KLHL29: variants seen among roughly 807,000 people sequenced by gnomAD.
KLHL29 encodes kelch like family member 29, also known as kelch-like protein 29.
KLHL29 carries 21 observed loss-of-function variants against 80.4 expected under a neutral mutation model. That is an observed-to-expected ratio of 0.26 (90% CI 0.19 to 0.38). The LOEUF is 0.38. Among genes scored for constraint, KLHL29 ranks in the 10% least tolerant of loss-of-function variants. KLHL29 has a pLI of 1.00. For missense variants in KLHL29, 867 were observed against 1,223.9 expected (o/e 0.71, Z 4.35); for synonymous variants, 511 against 526.8 (o/e 0.97, Z 0.41).
rs1558454587 is a variant in KLHL29 at position 23,706,704 on chromosome 2, G to A, written c.*40G>A. 1 of 1,406,066 alleles carries A rather than the reference G, an allele frequency of 7.1e-7. No homozygotes were observed. Among genetic ancestry groups the A allele is most frequent in the South Asian group, 1.5e-5 (1 of 66,870 alleles). 87.1% of individuals were successfully genotyped at this position (1,406,066 alleles called of 1,614,324 possible). ...CCACGATAAGACTGTGGACAAGTCT[G>A]GTGAGGCAAGTGCCACGCAATGATA... On this transcript the variant is annotated 3_prime_UTR_variant, in exon 14 of 14. Transcript: ENST00000486442.
In KLHL29 at chr2:23,608,456, C is replaced by T. The variant is rs953149825; in HGVS notation, c.286-30683C>T. On this transcript the variant is annotated intron_variant, in intron 3 of 13. Transcript: ENST00000486442. ...AGGTAGGGCCCAGTCTTTTTTTTTT[C>T]CTCTGTCTTATCTTCTATGCCTGGA... Among the ~76,000 whole-genome samples, 14 of 131,076 alleles carry T rather than the reference C, an allele frequency of 1.1e-4. No individual in the cohort carries two copies. The East Asian group carries it at 2.6e-3, about 24-fold the overall frequency. 86.0% of individuals were successfully genotyped at this position (131,076 alleles called of 152,430 possible). A position where few individuals can be genotyped will look rare whatever the true frequency, so the allele number is the denominator to read the frequency against.
At chr2:23,532,776 A>G (rs556252970) in intron 2 of KLHL29, among the ~76,000 whole-genome samples, 2 of 152,296 alleles carry the variant, frequency 1.3e-5, no homozygotes, top group South Asian at 2.1e-4. Context: ...GGATCAGGGC[A>G]GGGAGACTGT....
At chr2:23,671,922 C>T (rs1670776411) in intron 5 of KLHL29, 1 of 152,398 alleles carries the variant, frequency 6.6e-6, no homozygotes, top group South Asian at 2.1e-4. Flanking sequence ...CCCCAATTCC[C>T]AGCCTCATTC....
rs151033650 is a variant in KLHL29 at position 23,397,553 on chromosome 2, A to G, written c.-154+11773A>G. Among the ~76,000 whole-genome samples the G allele has an allele frequency of 1.1e-3, 170 of 152,274 alleles. 1 individual carries two copies. The East Asian group carries it at 0.013, about 12-fold the overall frequency. ...ACATTTTTTGATAGCTCAAATAGACACCTGGGCCAAGTATAGTCTCCTTGG... is the reference window on the plus strand; with the variant it reads ...ACATTTTTTGATAGCTCAAATAGACGCCTGGGCCAAGTATAGTCTCCTTGG... On this transcript the variant is annotated intron_variant, in intron 1 of 13. Transcript: ENST00000486442.
Position 23,562,356 on chromosome 2 carries a change from C to T in KLHL29, c.160C>T (p.Leu54=). 6.5e-7 allele frequency: 1 copy of T among 1,542,858 alleles called. No individual in the cohort carries two copies. The highest frequency in any genetic ancestry group is 8.7e-7 in the Non-Finnish European group (1 of 1,145,296). Residue 54 remains leucine (L), a synonymous_variant, in exon 3 of 14, where the codon CTG becomes TTG. Coordinates refer to ENST00000486442, the MANE Select transcript of KLHL29 (RefSeq NM_052920.2). This position sits in a 1 kb window ranked among gnomAD's most constrained non-coding sequence, Gnocchi z 4.5. ...CAGCCTCAGCGTCCGGCCCGGCCTC[C>T]TGCCGCTGCCCGTGGTGCCCTCCCG... is the stretch of plus-strand genomic sequence containing the variant. ...ASSLSVRPGL[L]PLPVVPSRLP...
intron 2 of KLHL29, among the ~76,000 whole-genome samples, chr2:23,514,370 G>C (rs538291482): frequency 6.6e-6 from 1 of 152,312 alleles, no homozygotes; most frequent in South Asian, 2.1e-4. Flanking sequence ...CCAGATCAGA[G>C]AGCCCTTAAG....
At position 23,642,769 on chromosome 2, in the gene KLHL29, A is replaced by G; in HGVS notation, c.859A>G (p.Thr287Ala). Residue 287 changes from threonine (T) to alanine (A), a missense_variant, in exon 5 of 14, where the codon ACC becomes GCC. Physicochemically the swap from Thr to Ala is moderately conservative, Grantham distance 58 (BLOSUM62 0). Transcript: ENST00000486442. ...GAPATNGPPT[T>A]DSAHGLQMLR... ...CCCTGCCACCAATGGGCCCCCCACA[A>G]CCGACTCGGCCCACGGGCTGCAGAT... is the stretch of plus-strand genomic sequence containing the variant. The G allele has an allele frequency of 6.5e-7, 1 of 1,549,554 alleles. No homozygotes were observed. The highest frequency in any genetic ancestry group is 8.7e-7 in the Non-Finnish European group (1 of 1,146,534).
chr2:23,652,365 C>T (rs1302269922), intron 5 of KLHL29, among the ~76,000 whole-genome samples: 3 of 152,360 alleles, frequency 2.0e-5, no homozygotes, highest in African/African-American at 4.8e-5. Context: ...ACAGTTTGTC[C>T]TGTTAAATGG....
At chr2:23,638,983 G>A (rs1376363720) in intron 3 of KLHL29, among the ~76,000 whole-genome samples, 156 bp from the exon 4 acceptor site, 2 of 152,182 alleles carry the variant, frequency 1.3e-5, no homozygotes, top group South Asian at 4.1e-4. Flanking sequence ...CAAAGACTGG[G>A]TGGAGGGCTG....
intron 2 of KLHL29, among the ~76,000 whole-genome samples, chr2:23,536,361 G>A (rs192308041): frequency 9.2e-4 from 140 of 152,306 alleles, no homozygotes; most frequent in Middle Eastern, 3.4e-3. Flanking sequence ...CTGTGTGGAC[G>A]GCAGCTTGGC....
intron 1 of KLHL29, among the ~76,000 whole-genome samples, chr2:23,463,295 A>G (rs1361420414): frequency 6.6e-6 from 1 of 151,588 alleles, no homozygotes; most frequent in African/African-American, 2.4e-5. Context: ...GATTCTTGTT[A>G]AAGTGACCTT....
chr2:23,467,232 C>T (rs1030517700), intron 1 of KLHL29, among the ~76,000 whole-genome samples: 6 of 152,170 alleles, frequency 3.9e-5, no homozygotes, highest in East Asian at 1.9e-4. Flanking sequence ...TAAGCCATCC[C>T]GCGTGTTTCT....
At chr2:23,625,812 G>A (rs1669294848) in intron 3 of KLHL29, among the ~76,000 whole-genome samples, 1 of 152,172 alleles carries the variant, frequency 6.6e-6, no homozygotes, top group South Asian at 2.1e-4. Context: ...GTTTTGATGA[G>A]ATTGTGAGGG....
At chr2:23,420,892 C>T (rs374460410) in intron 1 of KLHL29, among the ~76,000 whole-genome samples, 2 of 152,286 alleles carry the variant, frequency 1.3e-5, no homozygotes, top group African/African-American at 2.4e-5. Context: ...CCTTCAAAGC[C>T]GAGCATCAAT....
At chr2:23,416,852 G>A (rs1178085029) in intron 1 of KLHL29, among the ~76,000 whole-genome samples, 1 of 152,012 alleles carries the variant, frequency 6.6e-6, no homozygotes, top group Non-Finnish European at 1.5e-5. Context: ...TCCCAAATCC[G>A]TATCTTCAGT....
chr2:23,603,891 A>C (rs1406835682), intron 3 of KLHL29, among the ~76,000 whole-genome samples: 1 of 152,128 alleles, frequency 6.6e-6, no homozygotes, highest in African/African-American at 2.4e-5. Context: ...GCCACCCAAC[A>C]TTGTCCCCGT....
At chr2:23,501,945 TA>T (rs1665457683) in intron 2 of KLHL29, among the ~76,000 whole-genome samples, 1 of 152,160 alleles carries the variant, frequency 6.6e-6, no homozygotes, top group African/African-American at 2.4e-5. Context: ...ACATGCATCT[TA>T]ATTTAATTTT....
chr2:23,494,400 G>A (rs1348718749), intron 2 of KLHL29, among the ~76,000 whole-genome samples: 1 of 152,206 alleles, frequency 6.6e-6, no homozygotes, highest in Non-Finnish European at 1.5e-5. Context: ...ATTTCCACCA[G>A]CAGCTCCTCC....
At chr2:23,639,649 A>G (rs555448518) in intron 4 of KLHL29, among the ~76,000 whole-genome samples, 1 of 143,928 alleles carries the variant, frequency 6.9e-6, no homozygotes, top group Admixed American at 6.9e-5. Context: ...TTGTATGACA[A>G]CTGGGGTGTT....
Sources: gnomAD v4.1 joint callset for allele counts (sites outside exome capture counted in the v4.1 genomes callset) on GRCh38, gnomAD v4.1.1 for gene constraint, Gnocchi (gnomAD v3.1) non-coding constraint, MANE v1.5 for transcripts, NCBI Gene and HGNC (gene_info 2026-07-23, HGNC 2026-07-21) for gene names.